The following FAT3 variants were observed in gnomAD, a reference collection of about 807,000 sequenced individuals.
The protein encoded by FAT3 is protocadherin Fat 3.
A neutral mutation model predicts 310.2 loss-of-function variants in FAT3; 95 were observed. That is an observed-to-expected ratio of 0.31 (90% confidence interval 0.26 to 0.36). The LOEUF is 0.36. Ranked by LOEUF, FAT3 falls within the 10% of genes least tolerant of loss-of-function variation. The pLI, the probability that FAT3 is intolerant of heterozygous loss-of-function variation, is 1.00. For missense variants in FAT3, 5,408 were observed against 5,715.6 expected (o/e 0.95, Z 1.74); for synonymous variants, 2,314 against 2,192.9 (o/e 1.06, Z -1.54).
chr11:92,492,895 T>C (rs1952649224), intron 2 of FAT3, among the ~76,000 whole-genome samples: 1 of 152,096 alleles, frequency 6.6e-6, no homozygotes, highest in African/African-American at 2.4e-5. Context: ...AGATGTTCTG[T>C]GGGTTTCACT....
chr11:92,382,875 G>A (rs912282630), intron 2 of FAT3, among the ~76,000 whole-genome samples: 5 of 152,050 alleles, frequency 3.3e-5, no homozygotes, highest in African/African-American at 1.2e-4. Flanking sequence ...TGTGGGATGT[G>A]CAGGTTTGTT....
chr11:92,499,713 A>ATGTGTGTGTATGTGTGTGTATGTG (rs1565364193), intron 2 of FAT3, among the ~76,000 whole-genome samples: 2 of 119,310 alleles, frequency 1.7e-5, no homozygotes, highest in African/African-American at 6.6e-5. Flanking sequence ...GTGTGTGTGT[A>ATGTGTGTGTATGTGTGTGTATGTG]TGTGTGTGTA....
chr11:92,650,424 T>C (rs561750760), intron 3 of FAT3, among the ~76,000 whole-genome samples: 1 of 152,328 alleles, frequency 6.6e-6, no homozygotes, highest in East Asian at 1.9e-4. Context: ...GTCCTTCTTA[T>C]TTCAACATTC....
chr11:92,719,508 T>C (rs369559957), intron 4 of FAT3, among the ~76,000 whole-genome samples: 2 of 110,608 alleles, frequency 1.8e-5, no homozygotes, highest in Non-Finnish European at 4.1e-5. Context: ...AAACCTGTAT[T>C]CTTTAAGTCA....
chr11:92,706,493 C>T (rs910551623), intron 4 of FAT3, among the ~76,000 whole-genome samples: 9 of 151,876 alleles, frequency 5.9e-5, no homozygotes, highest in African/African-American at 2.2e-4. Context: ...GGTGTGGAAG[C>T]AGGTAGGCCC....
chr11:92,524,880 A>T lies in FAT3; in HGVS notation c.3539A>T (p.Asn1180Ile). Reference protein sequence around the residue: ...IQAEDPDSSSNEKLTYRITSG... With the variant: ...IQAEDPDSSSIEKLTYRITSG... ...GCTGAAGATCCTGACTCCAGTTCCA[A>T]TGAAAAACTGACATACAGGATTACA... The change falls in exon 3 of 28, where the codon AAT becomes ATT. Residue 1180 changes from asparagine to isoleucine, a missense_variant. By Grantham distance (149) the Asn-to-Ile change is moderately radical. This residue lies in a region of FAT3 where 4,588 missense variants were observed against 4,809.8 expected (regional missense o/e 0.95). Coordinates refer to ENST00000525166, the MANE Select transcript of FAT3 (RefSeq NM_001367949.2). The T allele has an allele frequency of 3.1e-6, 5 of 1,613,890 alleles. No individual in the cohort carries two copies. Among genetic ancestry groups the T allele is most frequent in the Non-Finnish European group, 3.4e-6 (4 of 1,179,820 alleles).
intron 7 of FAT3, among the ~76,000 whole-genome samples, chr11:92,783,634 T>G (rs971970837): frequency 6.6e-6 from 1 of 151,816 alleles, no homozygotes; most frequent in Admixed American, 6.6e-5. Flanking sequence ...TAGCGAGGAC[T>G]CATCTCTACA....
At chr11:92,415,029 A>G (rs1485264075) in intron 2 of FAT3, among the ~76,000 whole-genome samples, 4 of 152,038 alleles carry the variant, frequency 2.6e-5, no homozygotes, top group African/African-American at 9.7e-5. Context: ...AAAAATTCTG[A>G]AGAATACACT....
At chr11:92,864,986 T>C (rs1242571777) in intron 21 of FAT3, among the ~76,000 whole-genome samples, 1 of 152,186 alleles carries the variant, frequency 6.6e-6, no homozygotes, top group Non-Finnish European at 1.5e-5. Flanking sequence ...CCTTGTAAAA[T>C]AAGCCATAGC....
At chr11:92,341,654 A>G (rs559768706) in intron 1 of FAT3, among the ~76,000 whole-genome samples, 6 of 152,258 alleles carry the variant, frequency 3.9e-5, no homozygotes, top group East Asian at 1.9e-4. Flanking sequence ...GCCTATTTCC[A>G]GATAAGCTTC....
chr11:92,262,070 A>T lies in FAT3; in HGVS notation c.-18+36896A>T, dbSNP rs1393604922. Among the ~76,000 whole-genome samples the T allele has an allele frequency of 2.0e-5, 3 of 152,150 alleles. No individual in the cohort carries two copies. The South Asian group carries it at 6.2e-4, about 32-fold the overall frequency. Reference sequence around the variant, plus strand: ...CCATGTGACCTAAAGAAACTACCATATTAGAAGAGGCTACCATATTAGATT... The same window carrying T: ...CCATGTGACCTAAAGAAACTACCATTTTAGAAGAGGCTACCATATTAGATT... On this transcript the variant is annotated intron_variant, in intron 1 of 27. Coordinates refer to ENST00000525166, the MANE Select transcript of FAT3 (RefSeq NM_001367949.2).
intron 1 of FAT3, among the ~76,000 whole-genome samples, chr11:92,246,873 TGA>T (rs1394275944): frequency 1.3e-5 from 2 of 152,032 alleles, no homozygotes; most frequent in Non-Finnish European, 2.9e-5. Context: ...TCAAGAGATG[TGA>T]GTCAGAAGAA....
chr11:92,249,430 T>C (rs949105958), intron 1 of FAT3, among the ~76,000 whole-genome samples: 1 of 152,138 alleles, frequency 6.6e-6, no homozygotes, highest in African/African-American at 2.4e-5. Flanking sequence ...GTGAACTGAA[T>C]GCTTTCAATC....
At chr11:92,705,991 G>T (rs897822771) in intron 4 of FAT3, among the ~76,000 whole-genome samples, 1 of 150,764 alleles carries the variant, frequency 6.6e-6, no homozygotes, top group African/African-American at 2.4e-5. Flanking sequence ...GATGGTGATG[G>T]TGGTGGTGGT....
rs1947340850 is a variant in FAT3, at chr11:92,801,225, G to A, written c.8212G>A (p.Val2738Ile). The A allele has an allele frequency of 1.2e-6, 2 of 1,613,756 alleles. No homozygotes were observed. Among genetic ancestry groups the A allele is most frequent in the African/African-American group, 1.3e-5 (1 of 74,918 alleles). ...CCTGAGGATTTTGCCCAGTCAGAAT[G>A]TCTGGTTCAGCACAGTTAATGGGGA... is the stretch of plus-strand genomic sequence containing the variant. ...DTLRILPSQNVWFSTVNGERP... is the reference protein window; with the variant it reads ...DTLRILPSQNIWFSTVNGERP... Residue 2738 changes from valine (V) to isoleucine (I), a missense_variant, in exon 10 of 28, where the codon GTC becomes ATC. By Grantham distance (29) the Val-to-Ile change is conservative. Around this residue, in one of 5 missense-constraint regions of FAT3, gnomAD observed 4,588 missense variants for 4,809.8 expected, o/e 0.95. Transcript: ENST00000525166.
chr11:92,382,441 G>C (rs1298152268), intron 2 of FAT3, among the ~76,000 whole-genome samples: 1 of 152,124 alleles, frequency 6.6e-6, no homozygotes, highest in African/African-American at 2.4e-5. Flanking sequence ...CACCTGCTGA[G>C]GCGCTGTCTC....
chr11:92,871,261 T>A (rs1489076097), intron 22 of FAT3, among the ~76,000 whole-genome samples: 1 of 152,170 alleles, frequency 6.6e-6, no homozygotes, highest in Non-Finnish European at 1.5e-5. Flanking sequence ...ATTTAAAAAG[T>A]GGGAAAGGTG....
At chr11:92,867,233 A>G (rs2136353514) in intron 22 of FAT3, 24 bp downstream of exon 22, 1 of 1,530,960 alleles carries the variant, frequency 6.5e-7, no homozygotes, top group Non-Finnish European at 8.7e-7. Flanking sequence ...CGCAGTGGGC[A>G]CTGGCCTGGG....
At chr11:92,479,720 A>T (rs750248973) in intron 2 of FAT3, among the ~76,000 whole-genome samples, 1 of 152,172 alleles carries the variant, frequency 6.6e-6, no homozygotes, top group Non-Finnish European at 1.5e-5. Context: ...ACATTGTCTC[A>T]TGAGAACCAG....
Sources: allele counts gnomAD v4.1 joint callset (sites outside exome capture counted in the v4.1 genomes callset), GRCh38; gene constraint gnomAD v4.1.1; regional missense constraint gnomAD v4.1.1; transcripts MANE v1.5; gene names NCBI Gene and HGNC (gene_info 2026-07-23, HGNC 2026-07-21).